Variants in KIN observed in about 807,000 individuals in gnomAD.
KIN encodes the protein Kin17 DNA and RNA binding protein, also known as DNA/RNA-binding protein KIN17.
Under a neutral mutation model 63.0 loss-of-function variants are expected in KIN, and 47 were observed. That is an observed-to-expected ratio of 0.75 (90% CI 0.59 to 0.95). The LOEUF is 0.95. Ranked by LOEUF, KIN falls within the 40% of genes least tolerant of loss-of-function variation. The pLI is 0.00. For synonymous variants in KIN, 160 were observed against 157.7 expected (o/e 1.01, Z -0.11); for missense variants, 408 against 460.9 (o/e 0.89, Z 1.05).
chr10:7,775,406 C>T (rs1357690722), intron 6 of KIN, among the ~76,000 whole-genome samples: 1 of 152,232 alleles, frequency 6.6e-6, no homozygotes, highest in African/African-American at 2.4e-5. Flanking sequence ...CAGAGATGCT[C>T]TCTGCCATCC....
intron 12 of KIN, among the ~76,000 whole-genome samples, chr10:7,757,659 T>A (rs181221477): frequency 2.0e-5 from 3 of 152,254 alleles, no homozygotes; most frequent in Admixed American, 2.0e-4. Flanking sequence ...TAACATTTTT[T>A]TACTGCTTCC....
Position 7,754,259 on chromosome 10 carries a change from C to G in KIN, c.*1821G>C. The G allele has an allele frequency of 2.8e-6, 1 of 359,290 alleles. No homozygotes were observed. Among genetic ancestry groups the G allele is most frequent in the Non-Finnish European group, 5.5e-6 (1 of 182,000 alleles). The allele number at this position is 359,290 out of a possible 1,614,324, so 22.3% of individuals were successfully genotyped here. ...GGTGGGAGAATCAATGACCTAAGCC[C>G]AGGAGGACGAGGCTGCAGTGAGCCA... is the stretch of plus-strand genomic sequence containing the variant. On this transcript the variant is annotated 3_prime_UTR_variant, in exon 13 of 13. Coordinates refer to ENST00000379562, the MANE Select transcript of KIN (RefSeq NM_012311.4).
At position 7,775,782 on chromosome 10, in the gene KIN, C is replaced by A; in HGVS notation, c.576G>T (p.Thr192=). The part of the protein sequence containing the change: ...EGKEQEVPTF[T]ELSRENDEEK... ...CTTCATCATTTTCTCTGCTTAATTC[C>A]GTAAAAGTAGGGACCTCCTAAAAAA... The change falls in exon 6 of 13, where the codon ACG becomes ACT. Residue 192 remains threonine (T), a synonymous_variant. Coordinates refer to ENST00000379562, the MANE Select transcript of KIN (RefSeq NM_012311.4). The A allele has an allele frequency of 6.4e-7, 1 of 1,552,134 alleles. No homozygotes were observed. Among genetic ancestry groups the A allele is most frequent in the East Asian group, 2.3e-5 (1 of 44,048 alleles).
intron 1 of KIN, among the ~76,000 whole-genome samples, chr10:7,786,058 G>A (rs1007350539): frequency 2.0e-5 from 3 of 152,166 alleles, no homozygotes; most frequent in African/African-American, 7.2e-5. Flanking sequence ...GATTCTGGAT[G>A]ATACTGATGT....
At chr10:7,787,128 A>C (rs147829032) in intron 1 of KIN, among the ~76,000 whole-genome samples, 1 of 152,224 alleles carries the variant, frequency 6.6e-6, no homozygotes, top group Non-Finnish European at 1.5e-5. Flanking sequence ...GAGCCACTCT[A>C]TATATACTTC....
chr10:7,785,144 G>A (rs184302321), intron 1 of KIN, among the ~76,000 whole-genome samples: 1 of 151,892 alleles, frequency 6.6e-6, no homozygotes, highest in Non-Finnish European at 1.5e-5. Context: ...AGCTACTTGG[G>A]AGGCTGAGGC....
chr10:7,756,630 A>T (rs1018848023), intron 12 of KIN, among the ~76,000 whole-genome samples: 8 of 152,274 alleles, frequency 5.3e-5, no homozygotes, highest in African/African-American at 1.9e-4. Context: ...CTGGGTTCAC[A>T]AATCGCCACT....
chr10:7,775,150 G>A lies in KIN; in HGVS notation c.608-259C>T, dbSNP rs914706901. ...CCTGCTCTATCCCCATTTCCCCTGGGGAACAGTACTCCAATTCTGTTTAGG... is the reference window on the plus strand; with the variant it reads ...CCTGCTCTATCCCCATTTCCCCTGGAGAACAGTACTCCAATTCTGTTTAGG... On this transcript the variant is annotated intron_variant, in intron 6 of 12. Coordinates refer to ENST00000379562, the MANE Select transcript of KIN (RefSeq NM_012311.4). Among the ~76,000 whole-genome samples the A allele has an allele frequency of 3.9e-5, 6 of 152,234 alleles. No individual in the cohort carries two copies. The South Asian group carries it at 6.2e-4, about 16-fold the overall frequency.
At chr10:7,763,921 G>A (rs1418218975) in intron 9 of KIN, 130 bp from the exon 10 acceptor site, 2 of 537,858 alleles carry the variant, frequency 3.7e-6, no homozygotes, top group African/African-American at 2.0e-5. Flanking sequence ...AAGAAATGCT[G>A]GAGTTCTCTG....
Position 7,754,289 on chromosome 10 carries a change from T to C in KIN, c.*1791A>G. ...GGACGAGGCTGCAGTGAGCCATGAT[T>C]GTGCCACTGCACTCCAGGCTGGATG... On this transcript the variant is annotated 3_prime_UTR_variant, in exon 13 of 13. Transcript: ENST00000379562. 1.2e-5 allele frequency: 4 copies of C among 341,314 alleles called. No individual in the cohort carries two copies. The highest frequency in any genetic ancestry group is 1.7e-5 in the Non-Finnish European group (3 of 172,534). The allele number at this position is 341,314 out of a possible 1,614,324, so 21.1% of individuals were successfully genotyped here. A position where few individuals can be genotyped will look rare whatever the true frequency, so the allele number is the denominator to read the frequency against.
chr10:7,774,626 G>C (rs1011513088), intron 7 of KIN, among the ~76,000 whole-genome samples: 1 of 150,698 alleles, frequency 6.6e-6, no homozygotes, highest in Admixed American at 6.6e-5. Flanking sequence ...CCAGGAGTTC[G>C]AGGCCAGCCT....
At chr10:7,773,779 T>C (rs1835712523) in intron 7 of KIN, among the ~76,000 whole-genome samples, 1 of 152,202 alleles carries the variant, frequency 6.6e-6, no homozygotes, top group Admixed American at 6.6e-5. Flanking sequence ...GAAAATATCA[T>C]CTGGCTTAAA....
intron 9 of KIN, 137 bp downstream of exon 9, chr10:7,765,916 G>C (rs1055807182): frequency 3.2e-5 from 17 of 529,606 alleles, no homozygotes; most frequent in African/African-American, 1.8e-4. Context: ...AGGAAGAAAA[G>C]TCATTATAAG....
At chr10:7,765,980 T>C in intron 9 of KIN, 73 bp downstream of exon 9, 1 of 1,078,818 alleles carries the variant, frequency 9.3e-7, no homozygotes. Flanking sequence ...TTTAGTTACT[T>C]ATACCAAATG....
At position 7,751,925 on chromosome 10, in the gene KIN, C is replaced by CT. The variant is rs1356095400; in HGVS notation, c.*4154dup. 0.028 allele frequency: 57 copies of CT among 2,062 alleles called. No homozygotes were observed. The highest frequency in any genetic ancestry group is 0.1 in the African/African-American group (50 of 490). 0.1% of individuals were successfully genotyped at this position (2,062 alleles called of 1,614,324 possible). On this transcript the variant is annotated 3_prime_UTR_variant, in exon 13 of 13. Transcript: ENST00000379562. ...TGGCGGGCGCCTGTAGTCCCAGCTACTCGGGAGGCTGAGGCAGGAGAATGG... is the reference window on the plus strand; with the variant it reads ...TGGCGGGCGCCTGTAGTCCCAGCTACTTCGGGAGGCTGAGGCAGGAGAATGG...
In KIN at chr10:7,755,973, G is replaced by T; in HGVS notation, c.*107C>A. The T allele has an allele frequency of 3.3e-6, 2 of 604,214 alleles. No homozygotes were observed. Among genetic ancestry groups the T allele is most frequent in the Non-Finnish European group, 5.7e-6 (2 of 350,276 alleles). 37.4% of individuals were successfully genotyped at this position (604,214 alleles called of 1,614,324 possible). On this transcript the variant is annotated 3_prime_UTR_variant, in exon 13 of 13. Coordinates refer to ENST00000379562, the MANE Select transcript of KIN (RefSeq NM_012311.4). ...CAGTAATATTTTCAAAAACCTGTTT[G>T]TTTTATACAAAAGAATATACCCTAA...
Position 7,778,945 on chromosome 10 carries a change from G to C in KIN, c.451C>G (p.Arg151Gly). ...YIDRDPETIR[R>G]QLELEKKKKQ... The stretch of plus-strand genomic sequence containing the variant: ...TTCTTTTTCTCCAGTTCCAGTTGCC[G>C]GCGGATAGTTTCTGGGTCCCTGTCT... The change falls in exon 5 of 13, where the codon CGG (arginine) becomes GGG (glycine). Residue 151 changes from arginine (R) to glycine (G), a missense_variant. By Grantham distance (125) the Arg-to-Gly change is moderately radical. Transcript: ENST00000379562. The C allele has an allele frequency of 6.2e-7, 1 of 1,613,796 alleles. No individual in the cohort carries two copies. The highest frequency in any genetic ancestry group is 8.5e-7 in the Non-Finnish European group (1 of 1,179,994).
At chr10:7,780,000 A>T in intron 4 of KIN, 56 bp downstream of exon 4, 1 of 1,568,792 alleles carries the variant, frequency 6.4e-7, no homozygotes, top group Middle Eastern at 1.7e-4. Context: ...CAAACATCTC[A>T]TCCTATGAAG....
At chr10:7,766,788 C>T (rs549640947) in intron 8 of KIN, among the ~76,000 whole-genome samples, 1 of 152,184 alleles carries the variant, frequency 6.6e-6, no homozygotes, top group African/African-American at 2.4e-5. Context: ...CTTTGGGAGG[C>T]TGAGGTGGGC....
Sources: allele counts gnomAD v4.1 joint callset (sites outside exome capture counted in the v4.1 genomes callset), GRCh38; gene constraint gnomAD v4.1.1; transcripts MANE v1.5; gene names NCBI Gene and HGNC (gene_info 2026-07-23, HGNC 2026-07-21).